CYP2D6: variants seen among roughly 807,000 people sequenced by gnomAD.
CYP2D6 encodes cytochrome P450 family 2 subfamily D member 6 (gene/pseudogene).
A neutral mutation model predicts 43.5 loss-of-function variants in CYP2D6; 51 were observed. The observed-to-expected ratio is 1.17, with a 90% CI of 0.94 to 1.48. CYP2D6 has a LOEUF of 1.48. CYP2D6 is among the 40% of genes most tolerant of loss of function. The probability of loss-of-function intolerance (pLI) is 0.00; values close to 1 mark genes in which losing one functional copy is unlikely to be tolerated. For synonymous variants in CYP2D6, 346 were observed against 297.1 expected (o/e 1.16, Z -1.69); for missense variants, 698 against 688.0 (o/e 1.01, Z -0.16).
rs755325763 is a variant in CYP2D6, at chr22:42,126,587, G to A, written c.1481C>T (p.Ala494Val). ...AGGTACCCCATTCTAGCGGGGCACAGCACAAAGCTCATAGGGGGATGGGCT... is the reference window on the plus strand; with the variant it reads ...AGGTACCCCATTCTAGCGGGGCACAACACAAAGCTCATAGGGGGATGGGCT... ...LVSPSPYELC[A>V]VPR Residue 494 changes from alanine (A) to valine (V), a missense_variant, in exon 9 of 9, where the codon GCT (alanine) becomes GTT (valine). By Grantham distance (64) the Ala-to-Val change is moderately conservative. Coordinates refer to ENST00000645361, the MANE Select transcript of CYP2D6 (RefSeq NM_000106.6). 5.6e-6 allele frequency: 9 copies of A among 1,595,422 alleles called. No homozygotes were observed. Among genetic ancestry groups the A allele is most frequent in the Non-Finnish European group, 7.7e-6 (9 of 1,169,904 alleles).
chr22:42,128,981 C>T (rs1421796145), intron 3 of CYP2D6, 37 bp from the exon 4 acceptor site: 3 of 1,584,200 alleles, frequency 1.9e-6, no homozygotes, highest in Non-Finnish European at 2.6e-6. Flanking sequence ...GTCGCCTTCC[C>T]CGTCCCCCGC....
rs748712690 is a variant in CYP2D6, at chr22:42,127,610, T to A, written c.1010A>T (p.Asp337Val). The A allele has an allele frequency of 6.2e-7, 1 of 1,611,662 alleles. No homozygotes were observed. The highest frequency in any genetic ancestry group is 8.5e-7 in the Non-Finnish European group (1 of 1,178,414). The change falls in exon 7 of 9, where the codon GAC becomes GTC. Residue 337 changes from aspartate (D) to valine (V), a missense_variant. By Grantham distance (152) the Asp-to-Val change is radical (BLOSUM62 -3). Transcript: ENST00000645361. ...VQRRVQQEIDDVIGQVRRPEM... is the reference protein window; with the variant it reads ...VQRRVQQEIDVVIGQVRRPEM... ...TGGTCGCCGCACCTGCCCTATCACG[T>A]CGTCGATCTCCTGTTGGACACGGCC... is the stretch of plus-strand genomic sequence containing the variant.
rs1930963279 is a variant in CYP2D6 at position 42,126,717 on chromosome 22, T to C, written c.1351A>G (p.Met451Val). The change falls in exon 9 of 9, where the codon ATG becomes GTG. Residue 451 changes from methionine to valine, a missense_variant. Met to Val is a conservative substitution (Grantham distance 21, BLOSUM62 1). This residue lies in a region of CYP2D6 where 85 missense variants were observed against 81.2 expected (regional missense o/e 1.05). Coordinates refer to ENST00000645361, the MANE Select transcript of CYP2D6 (RefSeq NM_000106.6). ...GAGGTGAAGAAGAGGAAGAGCTCCA[T>C]GCGGGCCAGGGGCTCCCCGAGGCAT... ...RACLGEPLAR[M>V]ELFLFFTSLL... 8 of 1,572,362 alleles carry C rather than the reference T, an allele frequency of 5.1e-6. No individual in the cohort carries two copies. In the South Asian group the frequency reaches 8.1e-5, roughly 16 times the overall value.
intron 2 of CYP2D6, chr22:42,129,507 C>G: frequency 1.4e-6 from 1 of 726,874 alleles, no homozygotes; most frequent in East Asian, 2.7e-5. Context: ...GCGCCAGCCT[C>G]ACCCATTGGG....
Position 42,127,862 on chromosome 22 carries a change from A to T in CYP2D6, c.965T>A (p.Ile322Asn). The T allele has an allele frequency of 6.2e-7, 1 of 1,610,980 alleles. No individual in the cohort carries two copies. The highest frequency in any genetic ancestry group is 2.2e-5 in the East Asian group (1 of 44,750). The part of the protein sequence containing the change: ...TTLAWGLLLM[I>N]LHPDVQRRVQ... Reference sequence around the variant, plus strand: ...CTCACGCTGCACATCCGGATGTAGGATCATGAGCAGGAGGCCCCAGGCCAG... The same window carrying T: ...CTCACGCTGCACATCCGGATGTAGGTTCATGAGCAGGAGGCCCCAGGCCAG... Residue 322 changes from isoleucine (I) to asparagine (N), a missense_variant, in exon 6 of 9, where the codon ATC becomes AAC. Coordinates refer to ENST00000645361, the MANE Select transcript of CYP2D6 (RefSeq NM_000106.6).
In CYP2D6 at chr22:42,128,826, T is replaced by G; in HGVS notation, c.624A>C (p.Leu208=). 1 of 1,608,168 alleles carries G rather than the reference T, an allele frequency of 6.2e-7. No individual in the cohort carries two copies. Among genetic ancestry groups the G allele is most frequent in the Non-Finnish European group, 8.5e-7 (1 of 1,176,732 alleles). The change falls in exon 4 of 9, where the codon CTA becomes CTC. Residue 208 remains leucine, a synonymous_variant. Transcript: ENST00000645361. ...ACTCCTCCTTCAGTCCCTCCTGAGC[T>G]AGGTCCAGCAGCCTGAGGAAGCGAG... The part of the protein sequence containing the change: ...DDPRFLRLLD[L]AQEGLKEESG...
chr22:42,130,573 C>G, intron 1 of CYP2D6, 39 bp downstream of exon 1: 2 of 1,414,224 alleles, frequency 1.4e-6, no homozygotes, highest in Non-Finnish European at 1.9e-6. Context: ...GTAGGGGAGC[C>G]TCAGCACCTC....
intron 1 of CYP2D6, 96 bp downstream of exon 1, chr22:42,130,516 C>G: frequency 8.0e-7 from 1 of 1,254,850 alleles, no homozygotes; most frequent in Non-Finnish European, 1.1e-6. Flanking sequence ...CTCAGCCTGG[C>G]TTCTGGTCCA....
Position 42,129,153 on chromosome 22 carries a change from G to A in CYP2D6, c.385C>T (p.Arg129Cys), listed in dbSNP as rs1011963265. ...GACACGGAGAAGCGCCTCTGCTCGCGCCACGCGGGCCCATAGCGCGCCAGG... is the reference window on the plus strand; with the variant it reads ...GACACGGAGAAGCGCCTCTGCTCGCACCACGCGGGCCCATAGCGCGCCAGG... ...VFLARYGPAW[R>C]EQRRFSVSTL... The change falls in exon 3 of 9, where the codon CGC (arginine) becomes TGC (cysteine). Residue 129 changes from arginine (R) to cysteine (C), a missense_variant. Physicochemically the swap from Arg to Cys is radical, Grantham distance 180 (BLOSUM62 -3). Coordinates refer to ENST00000645361, the MANE Select transcript of CYP2D6 (RefSeq NM_000106.6). 5.6e-6 allele frequency: 9 copies of A among 1,608,032 alleles called. No individual in the cohort carries two copies. Among genetic ancestry groups the A allele is most frequent in the Non-Finnish European group, 6.8e-6 (8 of 1,178,042 alleles).
chr22:42,127,773 C>T (rs1931173618), intron 6 of CYP2D6, 69 bp downstream of exon 6: 2 of 1,593,486 alleles, frequency 1.3e-6, no homozygotes, highest in African/African-American at 1.4e-5. Flanking sequence ...GGTGTCCCAG[C>T]AAAGTTCATG....
At position 42,127,613 on chromosome 22, in the gene CYP2D6, T is replaced by C. The variant is rs1204637685; in HGVS notation, c.1007A>G (p.Asp336Gly). The C allele has an allele frequency of 1.9e-6, 3 of 1,611,558 alleles. No homozygotes were observed. The African/African-American group carries it at 4.0e-5, about 22-fold the overall frequency. Reference protein sequence around the residue: ...DVQRRVQQEIDDVIGQVRRPE... With the variant: ...DVQRRVQQEIGDVIGQVRRPE... The stretch of plus-strand genomic sequence containing the variant: ...TCGCCGCACCTGCCCTATCACGTCG[T>C]CGATCTCCTGTTGGACACGGCCTGG... Residue 336 changes from aspartate to glycine, a missense_variant, in exon 7 of 9, where the codon GAC (aspartate) becomes GGC (glycine). Asp to Gly is a moderately conservative substitution (Grantham distance 94, BLOSUM62 -1). Around this residue, in one of 5 missense-constraint regions of CYP2D6, gnomAD observed 588 missense variants for 521.1 expected, o/e 1.13. Coordinates refer to ENST00000645361, the MANE Select transcript of CYP2D6 (RefSeq NM_000106.6).
chr22:42,129,922 G>A lies in CYP2D6; in HGVS notation c.181-13C>T, dbSNP rs756690748. 1.3e-6 allele frequency: 2 copies of A among 1,542,300 alleles called. No individual in the cohort carries two copies. The highest frequency in any genetic ancestry group is 1.2e-5 in the South Asian group (1 of 86,086). Reference sequence around the variant, plus strand: ...AGCGGCGCCGCAACTGCAGAGGGAGGGTCAGGGCCTCTTGTCAAGCCAGGA... The same window carrying A: ...AGCGGCGCCGCAACTGCAGAGGGAGAGTCAGGGCCTCTTGTCAAGCCAGGA... On this transcript the variant is annotated splice_polypyrimidine_tract_variant and intron_variant, in intron 1 of 8. Coordinates refer to ENST00000645361, the MANE Select transcript of CYP2D6 (RefSeq NM_000106.6).
Position 42,126,604 on chromosome 22 carries a change from G to T in CYP2D6, c.1464C>A (p.Ser488=). Residue 488 remains serine (S), a synonymous_variant, in exon 9 of 9, where the codon TCC becomes TCA. Coordinates refer to ENST00000645361, the MANE Select transcript of CYP2D6 (RefSeq NM_000106.6). The part of the protein sequence containing the change: ...HGVFAFLVSP[S]PYELCAVPR ...GGGGCACAGCACAAAGCTCATAGGG[G>T]GATGGGCTCACCAGGAAAGCAAAGA... 1.2e-6 allele frequency: 2 copies of T among 1,606,356 alleles called. No individual in the cohort carries two copies.
At chr22:42,127,731 G>T in intron 6 of CYP2D6, 97 bp from the exon 7 acceptor site, 2 of 1,572,284 alleles carry the variant, frequency 1.3e-6, no homozygotes, top group Non-Finnish European at 1.7e-6. Flanking sequence ...CAGGCTTACA[G>T]GATCCTGGTC....
In CYP2D6 at chr22:42,129,767, T is replaced by C. The variant is rs772618839; in HGVS notation, c.323A>G (p.Gln108Arg). 4 of 1,609,654 alleles carry C rather than the reference T, an allele frequency of 2.5e-6. No homozygotes were observed. In the Admixed American group the frequency reaches 5.0e-5, roughly 20 times the overall value. Reference sequence around the variant, plus strand: ...GGAACGCGGCCCGAAACCCAGGATCTGGGTGATGGGCACAGGCGGGCGGTC... The same window carrying C: ...GGAACGCGGCCCGAAACCCAGGATCCGGGTGATGGGCACAGGCGGGCGGTC... ...TADRPPVPITQILGFGPRSQG... is the reference protein window; with the variant it reads ...TADRPPVPITRILGFGPRSQG... The change falls in exon 2 of 9, where the codon CAG becomes CGG. Residue 108 changes from glutamine (Q) to arginine (R), a missense_variant. Gln to Arg is a conservative substitution (Grantham distance 43). Transcript: ENST00000645361.
At chr22:42,130,122 C>T in intron 1 of CYP2D6, 1 of 557,988 alleles carries the variant, frequency 1.8e-6, no homozygotes, top group South Asian at 2.1e-5. Flanking sequence ...TATGACCTTG[C>T]AAGAGTCACC....
In CYP2D6 at chr22:42,129,199, G is replaced by A. The variant is rs765422829; in HGVS notation, c.353-14C>T. On this transcript the variant is annotated splice_polypyrimidine_tract_variant and intron_variant, in intron 2 of 8. Coordinates refer to ENST00000645361, the MANE Select transcript of CYP2D6 (RefSeq NM_000106.6). ...CCAGGAACACCCCTGGGGGTGGGAC[G>A]GGCACGTGCGCGTGGCCATGAAGGC... The A allele has an allele frequency of 2.0e-5, 32 of 1,600,360 alleles. 1 individual carries two copies. In the Admixed American group the frequency reaches 4.7e-4, roughly 23 times the overall value.
In CYP2D6 at chr22:42,129,743, G is replaced by A; in HGVS notation, c.347C>T (p.Ser116Phe). 1 of 1,609,880 alleles carries A rather than the reference G, an allele frequency of 6.2e-7. No individual in the cohort carries two copies. The highest frequency in any genetic ancestry group is 8.5e-7 in the Non-Finnish European group (1 of 1,178,148). ...ITQILGFGPR[S>F]QGVFLARYGP... ...CTGTCCCCACCGCTGCTTGCCTTGG[G>A]AACGCGGCCCGAAACCCAGGATCTG... Residue 116 changes from serine (S) to phenylalanine (F), a missense_variant, in exon 2 of 9, where the codon TCC becomes TTC. Around this residue, in one of 5 missense-constraint regions of CYP2D6, gnomAD observed 588 missense variants for 521.1 expected, o/e 1.13. Coordinates refer to ENST00000645361, the MANE Select transcript of CYP2D6 (RefSeq NM_000106.6).
At chr22:42,128,676 C>G in intron 4 of CYP2D6, 108 bp downstream of exon 4, 1 of 1,353,208 alleles carries the variant, frequency 7.4e-7, no homozygotes, top group East Asian at 2.5e-5. Context: ...CTGGAATGTC[C>G]TTTCCCAAAC....
Sources: gnomAD v4.1 joint callset for allele counts on GRCh38, gnomAD v4.1.1 for gene constraint, gnomAD v4.1.1 regional missense constraint, MANE v1.5 for transcripts, NCBI Gene and HGNC (gene_info 2026-07-23, HGNC 2026-07-21) for gene names.